The following RFC3 variants were observed in gnomAD, a reference collection of about 807,000 sequenced individuals.
The protein encoded by RFC3 is A1 38 kDa subunit.
A neutral mutation model predicts 45.1 loss-of-function variants in RFC3; 41 were observed. The observed-to-expected ratio is 0.91, with a 90% CI of 0.71 to 1.18. The LOEUF (loss-of-function observed/expected upper bound fraction) is 1.18, where lower values mean the gene tolerates loss of function less well. RFC3 is among the 50% of genes most tolerant of loss of function. The probability of loss-of-function intolerance (pLI) is 0.00; values close to 1 mark genes in which losing one functional copy is unlikely to be tolerated. For missense variants in RFC3, 423 were observed against 428.1 expected (o/e 0.99, Z 0.10); for synonymous variants, 149 against 144.0 (o/e 1.03, Z -0.25).
chr13:33,869,189 C>A (rs776838089), intron 8 of RFC3, among the ~76,000 whole-genome samples: 3 of 152,180 alleles, frequency 2.0e-5, no homozygotes, highest in Non-Finnish European at 4.4e-5. Flanking sequence ...AGCCTGGATT[C>A]TCTGGCCTTT....
intron 8 of RFC3, among the ~76,000 whole-genome samples, chr13:33,871,221 T>C (rs1358261448): frequency 2.0e-5 from 3 of 152,168 alleles, no homozygotes; most frequent in African/African-American, 7.2e-5. Flanking sequence ...CAAATAACCA[T>C]AAATCAAGTG....
chr13:33,868,783 C>T (rs989534203), intron 8 of RFC3, among the ~76,000 whole-genome samples: 1 of 152,114 alleles, frequency 6.6e-6, no homozygotes, highest in African/African-American at 2.4e-5. Flanking sequence ...TGTTTTGTTG[C>T]TTTATTTGTG....
intron 8 of RFC3, chr13:33,850,131 A>G (rs1202308494): frequency 6.6e-6 from 1 of 152,170 alleles, no homozygotes; most frequent in Non-Finnish European, 1.5e-5. Flanking sequence ...TTATGTTACT[A>G]ATTTGAATTG....
At chr13:33,932,053 A>G (rs2082855854) in intron 8 of RFC3, among the ~76,000 whole-genome samples, 2 of 152,096 alleles carry the variant, frequency 1.3e-5, no homozygotes, top group African/African-American at 4.8e-5. Flanking sequence ...AATTCTACAA[A>G]TGCTTACTAT....
At chr13:33,830,203 T>C (rs2082089337) in intron 5 of RFC3, among the ~76,000 whole-genome samples, 186 bp downstream of exon 5, 1 of 152,166 alleles carries the variant, frequency 6.6e-6, no homozygotes, top group Non-Finnish European at 1.5e-5. Context: ...ATATAGAAAG[T>C]GTTTTTCCCT....
In RFC3 at chr13:33,835,233, A is replaced by T. The variant is rs777403284; in HGVS notation, c.879+16A>T. On this transcript the variant is annotated intron_variant, in intron 8 of 8. Coordinates refer to ENST00000380071, the MANE Select transcript of RFC3 (RefSeq NM_002915.4). ...AATAATGAAGGTAACCCAATTTCAGATCTTGAACTTTTTACAGCTATAAAA... is the reference window on the plus strand; with the variant it reads ...AATAATGAAGGTAACCCAATTTCAGTTCTTGAACTTTTTACAGCTATAAAA... 6.4e-7 allele frequency: 1 copy of T among 1,573,448 alleles called. No individual in the cohort carries two copies. The highest frequency in any genetic ancestry group is 1.1e-5 in the South Asian group (1 of 90,220).
chr13:33,834,742 T>A (rs886780982), intron 7 of RFC3, among the ~76,000 whole-genome samples: 1 of 152,176 alleles, frequency 6.6e-6, no homozygotes, highest in Non-Finnish European at 1.5e-5. Context: ...AAAAACATAT[T>A]ACTTGACATG....
At chr13:33,921,657 G>C (rs1051939810) in intron 8 of RFC3, among the ~76,000 whole-genome samples, 1 of 152,034 alleles carries the variant, frequency 6.6e-6, no homozygotes, top group African/African-American at 2.4e-5. Context: ...AGCCTTTCAC[G>C]ATGACTTTGC....
rs896203464 is a variant in RFC3 at position 33,912,278 on chromosome 13, A to C, written c.880-53809A>C. On this transcript the variant is annotated intron_variant, in intron 8 of 8. Transcript: ENST00000434425. ...ATTAACTCTGGGTCCTAGGACCTAG[A>C]GATACCATAATGACCAAGATGAACT... Among the ~76,000 whole-genome samples the C allele has an allele frequency of 6.0e-5, 9 of 150,908 alleles. No individual in the cohort carries two copies. In the East Asian group the frequency reaches 1.8e-3, roughly 29 times the overall value.
intron 8 of RFC3, among the ~76,000 whole-genome samples, chr13:33,851,698 G>C (rs2082277730): frequency 6.6e-6 from 1 of 151,974 alleles, no homozygotes; most frequent in African/African-American, 2.4e-5. Context: ...TGTTTTTCAG[G>C]GGTCAACTGT....
chr13:33,961,223 T>C (rs566586602), intron 8 of RFC3, among the ~76,000 whole-genome samples: 14 of 152,122 alleles, frequency 9.2e-5, no homozygotes, highest in Non-Finnish European at 1.5e-4. Flanking sequence ...CTGCTGTCAT[T>C]TCTTCCACGG....
intron 8 of RFC3, chr13:33,850,963 A>G (rs1276274392): frequency 2.6e-5 from 4 of 152,052 alleles, no homozygotes; most frequent in African/African-American, 9.7e-5. Context: ...TTTTCCTCAC[A>G]AAATAAATTC....
At chr13:33,877,663 GTAT>G (rs1289953168) in intron 8 of RFC3, among the ~76,000 whole-genome samples, 2 of 150,056 alleles carry the variant, frequency 1.3e-5, no homozygotes, top group Non-Finnish European at 3.0e-5. Context: ...AATAAACATT[GTAT>G]TATGATGGAT....
Position 33,949,950 on chromosome 13 carries a change from C to T in RFC3, c.880-16137C>T, listed in dbSNP as rs192358074. Among the ~76,000 whole-genome samples the T allele has an allele frequency of 1.1e-3, 165 of 152,146 alleles. 1 individual carries two copies. Among genetic ancestry groups the T allele is most frequent in the African/African-American group, 3.9e-3 (162 of 41,502 alleles). ...TTATCCTGGGTCTCAAGCCTGCTGG[C>T]CTTGGGATTGAAACTAAACCAGGAG... is the stretch of plus-strand genomic sequence containing the variant. On this transcript the variant is annotated intron_variant, in intron 8 of 8. Coordinates refer to the RFC3 transcript ENST00000434425.
intron 8 of RFC3, among the ~76,000 whole-genome samples, chr13:33,957,995 T>C (rs371283387): frequency 6.6e-6 from 1 of 152,176 alleles, no homozygotes; most frequent in Non-Finnish European, 1.5e-5. Context: ...TATATCCTAG[T>C]AGAGACGAGA....
intron 8 of RFC3, among the ~76,000 whole-genome samples, chr13:33,927,199 G>A (rs1240328846): frequency 2.6e-4 from 40 of 151,002 alleles, no homozygotes; most frequent in Non-Finnish European, 1.5e-5. Flanking sequence ...CACATTGCTT[G>A]GTAATGAAAA....
At chr13:33,921,314 T>C (rs9570601) in intron 8 of RFC3, among the ~76,000 whole-genome samples, 10,860 of 152,196 alleles carry the variant, frequency 0.071, 635 homozygotes, top group African/African-American at 0.16. Context: ...AAGTGGAGCT[T>C]GGGACTGCCC....
At chr13:33,915,722 AAAAG>A (rs2082728689) in intron 8 of RFC3, among the ~76,000 whole-genome samples, 1 of 152,120 alleles carries the variant, frequency 6.6e-6, no homozygotes, top group African/African-American at 2.4e-5. Flanking sequence ...GTGTGATTAA[AAAAG>A]AAAACAATGA....
chr13:33,853,529 G>T (rs940779968), intron 8 of RFC3, among the ~76,000 whole-genome samples: 2 of 152,130 alleles, frequency 1.3e-5, no homozygotes, highest in African/African-American at 4.8e-5. Flanking sequence ...TGGTACTTCA[G>T]TTCCATTAAA....
Sources: allele counts gnomAD v4.1 joint callset (sites outside exome capture counted in the v4.1 genomes callset), GRCh38; gene constraint gnomAD v4.1.1; transcripts MANE v1.5; gene names NCBI Gene and HGNC (gene_info 2026-07-23, HGNC 2026-07-21).